Variants in SLC7A2 observed in about 807,000 individuals in gnomAD.
SLC7A2 encodes cationic amino acid transporter 2.
In SLC7A2, 48 loss-of-function variants were observed where a neutral mutation model predicts 58.9. That is an observed-to-expected ratio of 0.82 (90% CI 0.65 to 1.04). The LOEUF is 1.04. Ranked by LOEUF, SLC7A2 falls within the 50% of genes least tolerant of loss-of-function variation. The pLI is 0.00. For synonymous variants in SLC7A2, 363 were observed against 314.5 expected, an observed-to-expected ratio of 1.15 and a Z score of -1.63; for missense variants, 1,029 against 818.8, an observed-to-expected ratio of 1.26 and a Z score of -3.13.
In SLC7A2 at chr8:17,548,696, TAA is replaced by T; in HGVS notation, c.554_555del (p.Lys185ArgfsTer7). 1.2e-6 allele frequency: 2 copies of T among 1,605,848 alleles called. No individual in the cohort carries two copies. The highest frequency in any genetic ancestry group is 1.7e-6 in the Non-Finnish European group (2 of 1,177,264). On this transcript the variant is annotated frameshift_variant, in exon 5 of 13. Transcript: ENST00000494857. LOFTEE classifies it high-confidence loss of function. ...TCCATAGGTCTTTTGTCTTTTGGAG[TAA>T]AAGAGTCTGCTTGGGTGAATAAAGT...
chr8:17,545,151 G>C (rs993092860), intron 4 of SLC7A2, among the ~76,000 whole-genome samples: 1 of 152,094 alleles, frequency 6.6e-6, no homozygotes, highest in Non-Finnish European at 1.5e-5. Flanking sequence ...GTAGCATAGT[G>C]GTTTTAGGAG....
rs1803287751 is a variant in SLC7A2, at chr8:17,566,824, C to T, written c.*1678C>T. 6.6e-6 allele frequency: 1 copy of T among 152,148 alleles called. No individual in the cohort carries two copies. Among genetic ancestry groups the T allele is most frequent in the Non-Finnish European group, 1.5e-5 (1 of 68,036 alleles). 9.4% of individuals were successfully genotyped at this position (152,148 alleles called of 1,614,324 possible). ...CATTGGATGAGGCTGGGTGACATTT[C>T]CCAGGACAGCATGGTGAACATTACC... is the stretch of plus-strand genomic sequence containing the variant. On this transcript the variant is annotated 3_prime_UTR_variant, in exon 13 of 13. Transcript: ENST00000494857.
intron 2 of SLC7A2, among the ~76,000 whole-genome samples, chr8:17,503,227 T>A (rs1173033186): frequency 6.6e-6 from 1 of 152,016 alleles, no homozygotes; most frequent in Non-Finnish European, 1.5e-5. Context: ...ATTTTTTGTA[T>A]TTCTAGTAGA....
At chr8:17,549,423 A>T (rs1403169328) in intron 5 of SLC7A2, among the ~76,000 whole-genome samples, 2 of 152,252 alleles carry the variant, frequency 1.3e-5, no homozygotes, top group Non-Finnish European at 2.9e-5. Context: ...GAACCCATGC[A>T]GCTGCTGGTT....
chr8:17,512,836 C>T (rs1429341944), intron 2 of SLC7A2, among the ~76,000 whole-genome samples: 2 of 152,176 alleles, frequency 1.3e-5, no homozygotes, highest in African/African-American at 4.8e-5. Flanking sequence ...TACTTTCTGT[C>T]TCTGTGAATT....
At chr8:17,558,633 C>T (rs1420192501) in intron 9 of SLC7A2, among the ~76,000 whole-genome samples, 1 of 152,210 alleles carries the variant, frequency 6.6e-6, no homozygotes, top group Non-Finnish European at 1.5e-5. Flanking sequence ...GGCAATTTCT[C>T]ATAATGTCTA....
chr8:17,511,718 A>G (rs1037423798), intron 2 of SLC7A2, among the ~76,000 whole-genome samples: 6 of 152,224 alleles, frequency 3.9e-5, no homozygotes, highest in Admixed American at 6.5e-5. Flanking sequence ...TAATCATTTT[A>G]TAATTACTGT....
At chr8:17,550,972 T>G (rs1029834513) in intron 6 of SLC7A2, among the ~76,000 whole-genome samples, 1 of 152,232 alleles carries the variant, frequency 6.6e-6, no homozygotes, top group Non-Finnish European at 1.5e-5. Flanking sequence ...GTCTCATTAG[T>G]GTACAAAGTA....
At chr8:17,558,168 A>T (rs1248748682) in intron 8 of SLC7A2, 127 bp from the exon 9 acceptor site, 2 of 627,212 alleles carry the variant, frequency 3.2e-6, no homozygotes, top group East Asian at 2.6e-5. Context: ...TATTTTCTAC[A>T]CTCTGGTTGA....
Position 17,568,783 on chromosome 8 carries a change from G to T in SLC7A2, c.*3637G>T, listed in dbSNP as rs1399178698. On this transcript the variant is annotated 3_prime_UTR_variant, in exon 13 of 13. Coordinates refer to ENST00000494857, the MANE Select transcript of SLC7A2 (RefSeq NM_001370338.1). ...GTTTAAGACCGGCCTGAGTAGCATA[G>T]CAAGACCCTGTCTCTACAAAAAAAA... The T allele has an allele frequency of 6.6e-6, 1 of 151,600 alleles. No individual in the cohort carries two copies. Among genetic ancestry groups the T allele is most frequent in the African/African-American group, 2.4e-5 (1 of 41,222 alleles). 9.4% of individuals were successfully genotyped at this position (151,600 alleles called of 1,614,324 possible). A position where few individuals can be genotyped will look rare whatever the true frequency, so the allele number is the denominator to read the frequency against.
At chr8:17,549,320 C>T (rs752725235) in intron 5 of SLC7A2, among the ~76,000 whole-genome samples, 1 of 152,208 alleles carries the variant, frequency 6.6e-6, no homozygotes, top group Non-Finnish European at 1.5e-5. Context: ...GCTTCTGAGA[C>T]CCTTCTGAGA....
rs759563814 is a variant in SLC7A2, at chr8:17,560,391, G to C, written c.1362G>C (p.Ser454=). 1 of 1,614,040 alleles carries C rather than the reference G, an allele frequency of 6.2e-7. No individual in the cohort carries two copies. Among genetic ancestry groups the C allele is most frequent in the South Asian group, 1.1e-5 (1 of 91,082 alleles). ...KCSPEKDGLG[S]SPRVTSKSES... ...CTCCTGAGAAAGATGGTCTGGGATC[G>C]TCTCCCAGGGTAACCTCGAAGAGTG... Residue 454 remains serine, a synonymous_variant, in exon 10 of 13, where the codon TCG becomes TCC. Transcript: ENST00000494857.
At chr8:17,514,403 T>C (rs1800720849) in intron 2 of SLC7A2, among the ~76,000 whole-genome samples, 1 of 152,212 alleles carries the variant, frequency 6.6e-6, no homozygotes, top group African/African-American at 2.4e-5. Context: ...CCCGTGTTTT[T>C]ATTTTAGATT....
chr8:17,512,353 C>A (rs1160488288), intron 2 of SLC7A2, among the ~76,000 whole-genome samples: 2 of 152,150 alleles, frequency 1.3e-5, no homozygotes, highest in Non-Finnish European at 2.9e-5. Context: ...TTAAGACCAG[C>A]TTGACCAACA....
chr8:17,532,692 A>G (rs757734802), intron 2 of SLC7A2, among the ~76,000 whole-genome samples: 1 of 152,174 alleles, frequency 6.6e-6, no homozygotes, highest in Non-Finnish European at 1.5e-5. Flanking sequence ...GTAGAATAGA[A>G]ATGTGACAAG....
At chr8:17,516,385 G>A (rs1023909101) in intron 2 of SLC7A2, among the ~76,000 whole-genome samples, 14 of 151,954 alleles carry the variant, frequency 9.2e-5, no homozygotes, top group Admixed American at 3.9e-4. Context: ...CACCACACCC[G>A]GCTAATTTTT....
intron 2 of SLC7A2, among the ~76,000 whole-genome samples, chr8:17,507,072 G>A (rs994245452): frequency 3.3e-5 from 5 of 151,902 alleles, no homozygotes; most frequent in Admixed American, 6.6e-5. Context: ...AGCCTCCCAG[G>A]TAGCTGGGAC....
chr8:17,523,300 T>G (rs113303039), intron 2 of SLC7A2, among the ~76,000 whole-genome samples: 2,581 of 152,156 alleles, frequency 0.017, 74 homozygotes, highest in African/African-American at 0.058. Context: ...AGAGCCCACA[T>G]AGCTAAAGCA....
rs899424926 is a variant in SLC7A2 at position 17,560,131 on chromosome 8, G to C, written c.1299-197G>C. On this transcript the variant is annotated intron_variant, in intron 9 of 12. Coordinates refer to ENST00000494857, the MANE Select transcript of SLC7A2 (RefSeq NM_001370338.1). ...GATTTGGTGACTACTGGGGGAAATTGGGGTATTTTGCTGCAGTTGTTTTAT... is the reference window on the plus strand; with the variant it reads ...GATTTGGTGACTACTGGGGGAAATTCGGGTATTTTGCTGCAGTTGTTTTAT... 3.3e-5 allele frequency among the ~76,000 whole-genome samples: 5 copies of C among 152,184 alleles called. No homozygotes were observed. The East Asian group carries it at 9.7e-4, about 29-fold the overall frequency.
Sources: allele counts gnomAD v4.1 joint callset (sites outside exome capture counted in the v4.1 genomes callset), GRCh38; gene constraint gnomAD v4.1.1; transcripts MANE v1.5; gene names NCBI Gene and HGNC (gene_info 2026-07-23, HGNC 2026-07-21).